ACER3: variants seen among roughly 807,000 people sequenced by gnomAD.
ACER3 encodes alkCDase 3.
In ACER3, 16 loss-of-function variants were observed where a neutral mutation model predicts 48.9. The ratio of observed to expected loss-of-function variants is 0.33; its 90% CI spans 0.22 to 0.50. The LOEUF (loss-of-function observed/expected upper bound fraction) is 0.50. Ranked by LOEUF, ACER3 falls within the 20% of genes least tolerant of loss-of-function variation. The pLI is 0.98. For missense variants in ACER3, 227 were observed against 326.0 expected (o/e 0.70, Z 2.34); for synonymous variants, 109 against 107.8 (o/e 1.01, Z -0.07).
intron 1 of ACER3, among the ~76,000 whole-genome samples, chr11:76,902,720 A>G (rs900251219): frequency 1.6e-4 from 25 of 152,208 alleles, no homozygotes; most frequent in African/African-American, 5.5e-4. Flanking sequence ...ACCACAAGAG[A>G]TCACTTTTTA....
chr11:76,998,732 T>C, intron 6 of ACER3, 31 bp from the exon 7 acceptor site: 1 of 1,530,940 alleles, frequency 6.5e-7, no homozygotes, highest in Non-Finnish European at 8.9e-7. Context: ...CAATAATGAT[T>C]GTACTAACCT....
intron 1 of ACER3, among the ~76,000 whole-genome samples, chr11:76,908,512 A>G (rs1946291022): frequency 6.6e-6 from 1 of 152,154 alleles, no homozygotes; most frequent in Non-Finnish European, 1.5e-5. Flanking sequence ...TACAAAGAGA[A>G]TGAAATACCT....
At chr11:76,892,379 A>G (rs1945827870) in intron 1 of ACER3, among the ~76,000 whole-genome samples, 1 of 152,100 alleles carries the variant, frequency 6.6e-6, no homozygotes, top group Non-Finnish European at 1.5e-5. Context: ...AAAATAATAA[A>G]TTTAGTATTT....
chr11:76,958,495 A>G (rs1330335204), intron 2 of ACER3, among the ~76,000 whole-genome samples: 2 of 152,128 alleles, frequency 1.3e-5, no homozygotes, highest in African/African-American at 4.8e-5. Context: ...CCAGCAACTC[A>G]TTTTTATTAA....
intron 2 of ACER3, among the ~76,000 whole-genome samples, chr11:76,932,667 A>G (rs1395227212): frequency 6.6e-6 from 1 of 152,222 alleles, no homozygotes; most frequent in Non-Finnish European, 1.5e-5. Context: ...ATAGAGATTA[A>G]TAAGGAAAAC....
At chr11:76,893,981 A>G (rs952703616) in intron 1 of ACER3, among the ~76,000 whole-genome samples, 5 of 152,206 alleles carry the variant, frequency 3.3e-5, no homozygotes, top group African/African-American at 1.2e-4. Context: ...CATCAGCATT[A>G]TATATTGCTG....
intron 1 of ACER3, among the ~76,000 whole-genome samples, chr11:76,872,377 T>C (rs920837579): frequency 1.3e-5 from 2 of 152,110 alleles, no homozygotes; most frequent in African/African-American, 4.8e-5. Context: ...CACCCAGTCT[T>C]GAAGCAGCCA....
intron 1 of ACER3, among the ~76,000 whole-genome samples, chr11:76,864,953 C>T (rs1221254205): frequency 7.4e-6 from 1 of 135,588 alleles, no homozygotes; most frequent in Non-Finnish European, 1.5e-5. Flanking sequence ...CCAGCTACAG[C>T]TACACTAATG....
At chr11:76,964,753 C>T (rs1323824656) in intron 3 of ACER3, among the ~76,000 whole-genome samples, 1 of 151,366 alleles carries the variant, frequency 6.6e-6, no homozygotes, top group Non-Finnish European at 1.5e-5. Context: ...GCTGAGGGTC[C>T]TGACTGTTAG....
At chr11:76,908,069 C>T (rs1243254084) in intron 1 of ACER3, among the ~76,000 whole-genome samples, 1 of 152,038 alleles carries the variant, frequency 6.6e-6, no homozygotes, top group Admixed American at 6.6e-5. Context: ...AACCCTGTCT[C>T]TACTAAAAAT....
At chr11:76,881,960 T>C (rs1590875497) in intron 1 of ACER3, among the ~76,000 whole-genome samples, 1 of 152,022 alleles carries the variant, frequency 6.6e-6, no homozygotes, top group Non-Finnish European at 1.5e-5. Context: ...TTGCATAGTT[T>C]ATAGGTTCAT....
At chr11:76,939,324 G>T (rs905321433) in intron 2 of ACER3, among the ~76,000 whole-genome samples, 1 of 152,236 alleles carries the variant, frequency 6.6e-6, no homozygotes, top group Non-Finnish European at 1.5e-5. Flanking sequence ...AATGTTAACA[G>T]TGGGGAAATC....
In ACER3 at chr11:77,025,623, C is replaced by T. The variant is rs1270889671; in HGVS notation, c.*5296C>T. On this transcript the variant is annotated 3_prime_UTR_variant, in exon 11 of 11. Coordinates refer to ENST00000532485, the MANE Select transcript of ACER3 (RefSeq NM_018367.7). ...GTAGAGCTGGGTTGGCCAGGCTGGT[C>T]TTGAACTCCTGACCTCAAGTGATTC... 6.6e-6 allele frequency: 1 copy of T among 152,110 alleles called. No individual in the cohort carries two copies. The highest frequency in any genetic ancestry group is 6.6e-5 in the Admixed American group (1 of 15,264). The allele number at this position is 152,110 out of a possible 1,614,324, so 9.4% of individuals were successfully genotyped here.
chr11:76,925,789 C>T (rs1180204153), intron 1 of ACER3, among the ~76,000 whole-genome samples: 1 of 152,092 alleles, frequency 6.6e-6, no homozygotes, highest in South Asian at 2.1e-4. Context: ...TTCTTCTACC[C>T]TCTCAGTGAA....
chr11:76,972,545 A>G (rs1285612455), intron 3 of ACER3, among the ~76,000 whole-genome samples: 3 of 151,044 alleles, frequency 2.0e-5, no homozygotes, highest in Non-Finnish European at 4.4e-5. Flanking sequence ...TTTTCTTTTC[A>G]CTTTCTTTTT....
In ACER3 at chr11:76,985,650, T is replaced by C; in HGVS notation, c.328T>C (p.Cys110Arg). The change falls in exon 5 of 11, where the codon TGT (cysteine) becomes CGT (arginine). Residue 110 changes from cysteine (C) to arginine (R), a missense_variant. Coordinates refer to ENST00000532485, the MANE Select transcript of ACER3 (RefSeq NM_018367.7). ...TTCTCTCTTTTTTTCAAGGTTTGAATGTTTCAAGATCAAGAACTCAGTAAA... is the reference window on the plus strand; with the variant it reads ...TTCTCTCTTTTTTTCAAGGTTTGAACGTTTCAAGATCAAGAACTCAGTAAA... ...CCIFVYCMFE[C>R]FKIKNSVNYH... 1 of 1,564,018 alleles carries C rather than the reference T, an allele frequency of 6.4e-7. No individual in the cohort carries two copies. Among genetic ancestry groups the C allele is most frequent in the Non-Finnish European group, 8.6e-7 (1 of 1,163,026 alleles).
intron 3 of ACER3, among the ~76,000 whole-genome samples, chr11:76,960,156 A>T (rs967714048): frequency 2.0e-5 from 3 of 152,150 alleles, no homozygotes; most frequent in Non-Finnish European, 4.4e-5. Context: ...CATGCCTGTA[A>T]TCCCAGCACT....
intron 1 of ACER3, among the ~76,000 whole-genome samples, chr11:76,912,905 C>T (rs1302410262): frequency 1.3e-5 from 2 of 151,840 alleles, no homozygotes; most frequent in Admixed American, 1.3e-4. Flanking sequence ...AGAAAGAATT[C>T]GACTGAGGGC....
intron 1 of ACER3, among the ~76,000 whole-genome samples, chr11:76,901,788 T>A (rs1946089683): frequency 1.3e-5 from 2 of 152,330 alleles, no homozygotes; most frequent in Admixed American, 1.3e-4. Context: ...TTCTATACAA[T>A]GTCTGTAATC....
Sources: gnomAD v4.1 joint callset for allele counts (sites outside exome capture counted in the v4.1 genomes callset) on GRCh38, gnomAD v4.1.1 for gene constraint, MANE v1.5 for transcripts, NCBI Gene and HGNC (gene_info 2026-07-23, HGNC 2026-07-21) for gene names.